The following UBE2W variants were observed in gnomAD, a reference collection of about 807,000 sequenced individuals.
The protein encoded by UBE2W is ubiquitin-conjugating enzyme E2 W.
UBE2W carries 18 observed loss-of-function variants against 27.2 expected under a neutral mutation model. That is an observed-to-expected ratio of 0.66 (90% confidence interval 0.46 to 0.98). The LOEUF (loss-of-function observed/expected upper bound fraction) is 0.98. Among genes scored for constraint, UBE2W ranks in the 50% least tolerant of loss-of-function variants. UBE2W has a pLI of 0.00. For missense variants in UBE2W, 90 were observed against 180.2 expected, an observed-to-expected ratio of 0.50 and a Z score of 2.87; for synonymous variants, 53 against 57.2, an observed-to-expected ratio of 0.93 and a Z score of 0.33.
intron 3 of UBE2W, among the ~76,000 whole-genome samples, chr8:73,824,182 C>T (rs1199843022): frequency 1.3e-5 from 2 of 152,172 alleles, no homozygotes; most frequent in African/African-American, 4.8e-5. Flanking sequence ...TCTTACCAAG[C>T]CAGAAACCTG....
At chr8:73,871,004 T>C (rs756333409) in intron 1 of UBE2W, among the ~76,000 whole-genome samples, 23 of 152,210 alleles carry the variant, frequency 1.5e-4, no homozygotes, top group Non-Finnish European at 3.1e-4. Context: ...GATTATATTC[T>C]GAGGAAGAGA....
intron 1 of UBE2W, among the ~76,000 whole-genome samples, chr8:73,866,938 G>C (rs956502147): frequency 5.3e-5 from 8 of 151,148 alleles, no homozygotes; most frequent in Non-Finnish European, 8.8e-5. Flanking sequence ...CCATGAGGCA[G>C]AGGTTGCAGT....
chr8:73,810,928 T>C (rs535300770), intron 3 of UBE2W, among the ~76,000 whole-genome samples: 2 of 152,292 alleles, frequency 1.3e-5, no homozygotes, highest in East Asian at 3.9e-4. Flanking sequence ...GAAAGACAAC[T>C]ACATTTATAA....
intron 1 of UBE2W, among the ~76,000 whole-genome samples, chr8:73,856,410 G>A (rs1229803466): frequency 7.9e-6 from 1 of 125,816 alleles, no homozygotes; most frequent in Non-Finnish European, 1.6e-5. Flanking sequence ...TGTCACCCAG[G>A]CTGGAGTGCA....
At chr8:73,850,281 T>C (rs1188286092) in intron 1 of UBE2W, among the ~76,000 whole-genome samples, 1 of 152,182 alleles carries the variant, frequency 6.6e-6, no homozygotes, top group African/African-American at 2.4e-5. Flanking sequence ...CTGGAACTCA[T>C]GTACTATCAG....
In UBE2W at chr8:73,790,457, G is replaced by T. The variant is rs934553455; in HGVS notation, c.*3645C>A. On this transcript the variant is annotated 3_prime_UTR_variant, in exon 6 of 6. Transcript: ENST00000602593. ...CTGATAATGAATCCTCAGAAAAGAA[G>T]AATATGGTTAAGCTTCAGTTCTTTT... The T allele has an allele frequency of 1.0e-6, 1 of 984,996 alleles. No individual in the cohort carries two copies. Among genetic ancestry groups the T allele is most frequent in the African/African-American group, 1.7e-5 (1 of 57,200 alleles). 61.0% of individuals were successfully genotyped at this position (984,996 alleles called of 1,614,324 possible). A position where few individuals can be genotyped will look rare whatever the true frequency, so the allele number is the denominator to read the frequency against.
chr8:73,841,924 C>T (rs1810551447), intron 1 of UBE2W, among the ~76,000 whole-genome samples: 1 of 152,098 alleles, frequency 6.6e-6, no homozygotes, highest in Non-Finnish European at 1.5e-5. Context: ...AAAAATTCTC[C>T]CCTGAAATTT....
downstream of UBE2W, among the ~76,000 whole-genome samples, chr8:73,781,625 T>TG (rs1563557452): frequency 1.3e-5 from 2 of 150,976 alleles, no homozygotes; most frequent in African/African-American, 2.4e-5. Flanking sequence ...TTGGGTTTTT[T>TG]TTTTTTTTTT....
At chr8:73,833,184 C>CAAAAAAAAAAAAAAAAAAAA (rs1202478660) in intron 1 of UBE2W, among the ~76,000 whole-genome samples, 1 of 31,380 alleles carries the variant, frequency 3.2e-5, no homozygotes. Flanking sequence ...GACTCCACCT[C>CAAAAAAAAAAAAAAAAAAAA]AAAAAAAAAA....
chr8:73,849,512 CAAAAAA>C (rs71269951), intron 1 of UBE2W, among the ~76,000 whole-genome samples: 741 of 22,612 alleles, frequency 0.033, 2 homozygotes, highest in African/African-American at 0.068. Flanking sequence ...AACTCCATCT[CAAAAAA>C]AAAAAAAAAA....
intron 1 of UBE2W, among the ~76,000 whole-genome samples, chr8:73,860,863 G>A (rs1053281522): frequency 6.6e-6 from 1 of 152,186 alleles, no homozygotes; most frequent in African/African-American, 2.4e-5. Context: ...GGCTAGACAT[G>A]GTGGCTCATG....
At chr8:73,826,195 CTT>C (rs1809827196) in intron 2 of UBE2W, among the ~76,000 whole-genome samples, 1 of 152,126 alleles carries the variant, frequency 6.6e-6, no homozygotes, top group African/African-American at 2.4e-5. Flanking sequence ...CTATGCAAGC[CTT>C]TGTTTTCATA....
intron 1 of UBE2W, among the ~76,000 whole-genome samples, chr8:73,844,433 TCTCA>T (rs1299666986): frequency 6.6e-6 from 1 of 152,054 alleles, no homozygotes; most frequent in Non-Finnish European, 1.5e-5. Flanking sequence ...GCAGACAGAG[TCTCA>T]CTCACTCAGT....
intron 1 of UBE2W, among the ~76,000 whole-genome samples, chr8:73,855,879 A>G (rs1811276284): frequency 6.6e-6 from 1 of 152,176 alleles, no homozygotes; most frequent in Non-Finnish European, 1.5e-5. Flanking sequence ...TAAAAATCCC[A>G]GAACCTAGGT....
Position 73,878,805 on chromosome 8 carries a change from C to T in UBE2W, c.15+3G>A, listed in dbSNP as rs1342792185. On this transcript the variant is annotated splice_donor_region_variant and intron_variant, in intron 1 of 5. Coordinates refer to ENST00000602593, the MANE Select transcript of UBE2W (RefSeq NM_018299.6). ...CCGCCCAGATGCAGCAAACTCCTCT[C>T]ACCTGCATTGACGCCATGATGGAAC... is the stretch of plus-strand genomic sequence containing the variant. The T allele has an allele frequency of 7.1e-6, 11 of 1,550,508 alleles. No homozygotes were observed. Among genetic ancestry groups the T allele is most frequent in the African/African-American group, 2.7e-5 (2 of 72,912 alleles).
At chr8:73,829,713 A>G (rs1040997294) in intron 2 of UBE2W, among the ~76,000 whole-genome samples, 5 of 152,186 alleles carry the variant, frequency 3.3e-5, no homozygotes. Context: ...AGGGTAAGTT[A>G]TATGAATTTT....
chr8:73,814,291 T>C (rs1186185629), intron 3 of UBE2W, among the ~76,000 whole-genome samples: 1 of 152,224 alleles, frequency 6.6e-6, no homozygotes, highest in African/African-American at 2.4e-5. Context: ...CTAGAACCGA[T>C]GTGACAAAAC....
intron 4 of UBE2W, among the ~76,000 whole-genome samples, chr8:73,806,660 C>T (rs946894826): frequency 2.2e-4 from 34 of 152,008 alleles, no homozygotes; most frequent in African/African-American, 9.7e-5. Context: ...TGCAATGAGC[C>T]GAGATTGCGC....
chr8:73,839,159 T>C (rs1464229889), intron 1 of UBE2W, among the ~76,000 whole-genome samples: 1 of 152,296 alleles, frequency 6.6e-6, no homozygotes, highest in South Asian at 2.1e-4. Flanking sequence ...CAAATGCCCA[T>C]ATTTACATAT....
Sources: allele counts gnomAD v4.1 joint callset (sites outside exome capture counted in the v4.1 genomes callset), GRCh38; gene constraint gnomAD v4.1.1; transcripts MANE v1.5; gene names NCBI Gene and HGNC (gene_info 2026-07-23, HGNC 2026-07-21).